Variants in KCNK9 observed in about 807,000 individuals in gnomAD.
KCNK9 encodes potassium channel subfamily K member 9.
Under a neutral mutation model 10.8 loss-of-function variants are expected in KCNK9, and 1 was observed. The ratio of observed to expected loss-of-function variants is 0.09; its 90% CI spans 0.03 to 0.44. The LOEUF (loss-of-function observed/expected upper bound fraction) is 0.44. KCNK9 is among the 20% of genes least tolerant of loss of function. KCNK9 has a pLI of 0.97. For synonymous variants in KCNK9, 231 were observed against 222.7 expected (o/e 1.04, Z -0.33); for missense variants, 303 against 515.0 (o/e 0.59, Z 3.98).
At chr8:139,616,654 T>A (rs1257903688), downstream of KCNK9, 1 of 152,198 alleles carries the variant, frequency 6.6e-6, no homozygotes, top group Non-Finnish European at 1.5e-5. Flanking sequence ...TTCTGGGAGA[T>A]CTCGTTGGGG....
chr8:139,698,981 C>T (rs1817130494), intron 1 of KCNK9, among the ~76,000 whole-genome samples: 1 of 152,176 alleles, frequency 6.6e-6, no homozygotes, highest in African/African-American at 2.4e-5. Flanking sequence ...CCACTCCTAG[C>T]TTCAGCTGGG....
intron 1 of KCNK9, among the ~76,000 whole-genome samples, chr8:139,696,680 T>A (rs1411794776): frequency 6.7e-6 from 1 of 149,518 alleles, no homozygotes; most frequent in South Asian, 2.1e-4. Context: ...CACAGAAGGA[T>A]GGATGGGTGG....
chr8:139,664,009 C>A (rs1300044713), intron 1 of KCNK9, among the ~76,000 whole-genome samples: 1 of 152,124 alleles, frequency 6.6e-6, no homozygotes, highest in Admixed American at 6.5e-5. Context: ...GAGAACGCTG[C>A]GAGGGCTTGC....
At chr8:139,603,738 T>C (rs1817424462) in intron 2 of KCNK9, among the ~76,000 whole-genome samples, 1 of 152,136 alleles carries the variant, frequency 6.6e-6, no homozygotes, top group Admixed American at 6.5e-5. Flanking sequence ...GCTAAAATAA[T>C]AGAAAAGCCA....
At chr8:139,605,844 G>GT (rs1189541071) in intron 2 of KCNK9, among the ~76,000 whole-genome samples, 12 of 152,176 alleles carry the variant, frequency 7.9e-5, no homozygotes, top group Non-Finnish European at 2.9e-5. Flanking sequence ...TTAGTTACTA[G>GT]TTTTTTCTTT....
chr8:139,645,486 A>C (rs888131879), intron 1 of KCNK9, among the ~76,000 whole-genome samples: 2 of 152,156 alleles, frequency 1.3e-5, no homozygotes, highest in Non-Finnish European at 2.9e-5. Context: ...TCTCCAGCCC[A>C]CGGCTTCCCT....
chr8:139,606,505 A>G (rs928775314), intron 2 of KCNK9, among the ~76,000 whole-genome samples: 2 of 152,208 alleles, frequency 1.3e-5, no homozygotes, highest in African/African-American at 4.8e-5. Flanking sequence ...CCCCATGAGT[A>G]TATGCCAATC....
chr8:139,669,531 A>C lies in KCNK9; in HGVS notation c.283+33179T>G, dbSNP rs563077140. Among the ~76,000 whole-genome samples, 4 of 152,360 alleles carry C rather than the reference A, an allele frequency of 2.6e-5. No individual in the cohort carries two copies. In the South Asian group the frequency reaches 8.3e-4, roughly 32 times the overall value. On this transcript the variant is annotated intron_variant, in intron 1 of 1. Coordinates refer to ENST00000520439, the MANE Select transcript of KCNK9 (RefSeq NM_001282534.2). ...CTGTCTTCACTCATCCATAAGAAGG[A>C]ACTCCTCATCCATTAGTTTGATCAT...
chr8:139,636,789 C>G (rs1471463721), intron 1 of KCNK9, among the ~76,000 whole-genome samples: 2 of 152,142 alleles, frequency 1.3e-5, no homozygotes, highest in Non-Finnish European at 2.9e-5. Flanking sequence ...GGCATTTGAA[C>G]CTGCCCTTGT....
intron 1 of KCNK9, among the ~76,000 whole-genome samples, chr8:139,680,870 C>A (rs528135612): frequency 7.9e-5 from 12 of 152,278 alleles, no homozygotes; most frequent in Non-Finnish European, 1.3e-4. Context: ...AATCTAAACT[C>A]CTCCTCACAA....
At chr8:139,695,493 T>A (rs1817027530) in intron 1 of KCNK9, among the ~76,000 whole-genome samples, 1 of 152,174 alleles carries the variant, frequency 6.6e-6, no homozygotes, top group Non-Finnish European at 1.5e-5. Flanking sequence ...TGGAGGATCA[T>A]AAGCTACACG....
chr8:139,655,866 G>A (rs968303967), intron 1 of KCNK9, among the ~76,000 whole-genome samples: 2 of 152,160 alleles, frequency 1.3e-5, no homozygotes, highest in African/African-American at 4.8e-5. Flanking sequence ...TGCCTACAGC[G>A]AGGGGGAGAC....
downstream of KCNK9, chr8:139,616,507 C>T (rs941219578): frequency 1.3e-5 from 2 of 152,198 alleles, no homozygotes; most frequent in South Asian, 2.1e-4. Context: ...AAAGTACATG[C>T]ACAGCCTTTT....
chr8:139,627,465 G>A (rs1815013501), intron 1 of KCNK9, among the ~76,000 whole-genome samples: 1 of 152,160 alleles, frequency 6.6e-6, no homozygotes, highest in Admixed American at 6.5e-5. Flanking sequence ...GGTGCCAGGG[G>A]GTGAGGTCTG....
chr8:139,631,479 T>A (rs532793144), intron 1 of KCNK9, among the ~76,000 whole-genome samples: 1 of 152,332 alleles, frequency 6.6e-6, no homozygotes, highest in East Asian at 1.9e-4. Context: ...CTTCAGCCTC[T>A]GCACTCAGAG....
chr8:139,682,895 G>A (rs1028130863), intron 1 of KCNK9, among the ~76,000 whole-genome samples: 8 of 151,526 alleles, frequency 5.3e-5, no homozygotes, highest in African/African-American at 1.9e-4. Context: ...AAATTAGAGA[G>A]GGCTCCTCTG....
chr8:139,672,627 A>T (rs754445819), intron 1 of KCNK9, among the ~76,000 whole-genome samples: 2 of 152,210 alleles, frequency 1.3e-5, no homozygotes, highest in African/African-American at 2.4e-5. Context: ...TAGCAGAGGG[A>T]CATGGTTGTG....
chr8:139,684,566 A>G (rs1319680134), intron 1 of KCNK9, among the ~76,000 whole-genome samples: 1 of 152,234 alleles, frequency 6.6e-6, no homozygotes, highest in Non-Finnish European at 1.5e-5. Context: ...ATCAGGGGAA[A>G]AAGAAGGCAA....
At chr8:139,678,762 G>A (rs901754551) in intron 1 of KCNK9, among the ~76,000 whole-genome samples, 2 of 152,182 alleles carry the variant, frequency 1.3e-5, no homozygotes, top group Non-Finnish European at 2.9e-5. Flanking sequence ...GGCCATCACT[G>A]GGCCCCTGAT....
Sources: gnomAD v4.1 joint callset for allele counts (sites outside exome capture counted in the v4.1 genomes callset) on GRCh38, gnomAD v4.1.1 for gene constraint, MANE v1.5 for transcripts, NCBI Gene and HGNC (gene_info 2026-07-23, HGNC 2026-07-21) for gene names.